Variants in CD68 observed in about 807,000 individuals in gnomAD.
CD68 encodes macrosialin.
CD68 carries 24 observed loss-of-function variants against 31.3 expected under a neutral mutation model. The observed-to-expected ratio is 0.77, with a 90% CI of 0.55 to 1.08. CD68 has a LOEUF of 1.08. Among genes scored for constraint, CD68 ranks in the 50% least tolerant of loss-of-function variants. The pLI, the probability that CD68 is intolerant of heterozygous loss-of-function variation, is 0.00. For synonymous variants in CD68, 190 were observed against 179.6 expected (o/e 1.06, Z -0.46); for missense variants, 461 against 442.5 (o/e 1.04, Z -0.38).
intron 1 of CD68, 23 bp from the exon 2 acceptor site, chr17:7,579,787 A>T (rs1183989145): frequency 1.2e-6 from 2 of 1,607,770 alleles, no homozygotes. Context: ...CTGGGTTGCT[A>T]ACCATCTCCT....
rs2071486958 is a variant in CD68, at chr17:7,581,652, C to T, written c.*141C>T. On this transcript the variant is annotated 3_prime_UTR_variant, in exon 6 of 6. Transcript: ENST00000250092. ...AGAACAAAAAGAAAGCCGGGCATGA[C>T]GGCTCATGCCTGTAATCCCAGCACT... is the stretch of plus-strand genomic sequence containing the variant. The T allele has an allele frequency of 6.8e-6, 6 of 886,560 alleles. No homozygotes were observed. Among genetic ancestry groups the T allele is most frequent in the African/African-American group, 1.7e-5 (1 of 59,692 alleles). 54.9% of individuals were successfully genotyped at this position (886,560 alleles called of 1,614,324 possible).
At chr17:7,581,095 G>T in intron 5 of CD68, 29 bp downstream of exon 5, 1 of 1,593,872 alleles carries the variant, frequency 6.3e-7, no homozygotes. Flanking sequence ...TTCCCTCCTA[G>T]AATCCTCCCA....
intron 5 of CD68, 140 bp from the exon 6 acceptor site, chr17:7,581,237 TC>T (rs1446286828): frequency 1.7e-6 from 2 of 1,204,614 alleles, no homozygotes; most frequent in African/African-American, 1.5e-5. Context: ...TCTGCCAGTT[TC>T]CCCCTTTTAT....
In CD68 at chr17:7,580,564, C is replaced by A. The variant is rs780412821; in HGVS notation, c.666C>A (p.His222Gln). 95 of 1,613,934 alleles carry A rather than the reference C, an allele frequency of 5.9e-5. 1 individual carries two copies. Among genetic ancestry groups the A allele is most frequent in the Admixed American group, 1.5e-4 (9 of 59,994 alleles). Reference sequence around the variant, plus strand: ...TGCTTCTCTCATTCCCCTATGGACACCTCAGCTTTGGATTCATGCAGGTAT... The same window carrying A: ...TGCTTCTCTCATTCCCCTATGGACAACTCAGCTTTGGATTCATGCAGGTAT... ...PHLLLSFPYG[H>Q]LSFGFMQDLQ... The change falls in exon 3 of 6, where the codon CAC becomes CAA. Residue 222 changes from histidine (H) to glutamine (Q), a missense_variant. Transcript: ENST00000250092. This position sits in a 1 kb window ranked among gnomAD's most constrained non-coding sequence, Gnocchi z 4.3.
At position 7,580,780 on chromosome 17, in the gene CD68, G is replaced by A; in HGVS notation, c.757G>A (p.Ala253Thr). 1 of 1,614,014 alleles carries A rather than the reference G, an allele frequency of 6.2e-7. No individual in the cohort carries two copies. ...GTACAATGTGTCCTTCCCCCACGCA[G>A]CACGTAAGTAACCTCCTTCCCTTTC... ...VEYNVSFPHAAQWTFSAQNAS... is the reference protein window; with the variant it reads ...VEYNVSFPHATQWTFSAQNAS... The change falls in exon 4 of 6, where the codon GCA becomes ACA. Residue 253 changes from alanine to threonine, a missense_variant. Coordinates refer to ENST00000250092, the MANE Select transcript of CD68 (RefSeq NM_001251.3). This position sits in a 1 kb window ranked among gnomAD's most constrained non-coding sequence, Gnocchi z 4.3.
In CD68 at chr17:7,580,470, G is replaced by A. The variant is rs776340244; in HGVS notation, c.572G>A (p.Trp191Ter). 1 of 1,614,024 alleles carries A rather than the reference G, an allele frequency of 6.2e-7. No homozygotes were observed. The highest frequency in any genetic ancestry group is 1.1e-5 in the South Asian group (1 of 91,076). ...TCCAGTCTTTAACTTCCGCAGGCCT[G>A]GGGCATCTCTGTACTGAACCCCAAC... ...MYTTQGGGEA[W>*]GISVLNPNKT... Residue 191 changes from tryptophan to a stop codon, truncating the protein, a stop_gained, in exon 3 of 6, where the codon TGG (tryptophan) becomes TAG (stop). Transcript: ENST00000250092. LOFTEE classifies it high-confidence loss of function. The surrounding 1 kb of genome is among the most constrained non-coding windows in gnomAD (Gnocchi z 4.3).
chr17:7,579,914 A>T lies in CD68; in HGVS notation c.154A>T (p.Arg52Trp). The T allele has an allele frequency of 6.2e-7, 1 of 1,613,972 alleles. No individual in the cohort carries two copies. The highest frequency in any genetic ancestry group is 1.7e-5 in the Admixed American group (1 of 59,994). Residue 52 changes from arginine (R) to tryptophan (W), a missense_variant, in exon 2 of 6, where the codon AGG becomes TGG. Arg to Trp is a moderately radical substitution (Grantham distance 101). Transcript: ENST00000250092. ...VTESTGTTSHRTTKSHKTTTH... is the reference protein window; with the variant it reads ...VTESTGTTSHWTTKSHKTTTH... ...AGAGAGCACTGGAACAACCAGCCAC[A>T]GGACTACCAAGAGCCACAAAACCAC...
Sources: gnomAD v4.1 joint callset for allele counts on GRCh38, gnomAD v4.1.1 for gene constraint, Gnocchi (gnomAD v3.1) non-coding constraint, MANE v1.5 for transcripts, NCBI Gene and HGNC (gene_info 2026-07-23, HGNC 2026-07-21) for gene names.